The following MATCAP2 variants were observed in gnomAD, a reference collection of about 807,000 sequenced individuals.
MATCAP2 encodes microtubule associated tyrosine carboxypeptidase 2, also known as putative tyrosine carboxypeptidase MATCAP2.
chr7:36,336,196 A>T, the MATCAP2 span: 1 of 1,536,290 alleles, frequency 6.5e-7, no homozygotes, highest in Admixed American at 2.0e-5. Flanking sequence ...TCCTAACGTG[A>T]CTCCAGATTC....
chr7:36,366,835 G>A, the MATCAP2 span: 2 of 1,519,310 alleles, frequency 1.3e-6, no homozygotes, highest in Non-Finnish European at 1.8e-6. Context: ...CCAGCCGGTG[G>A]CTACCATTAC....
the MATCAP2 span, among the ~76,000 whole-genome samples, chr7:36,380,541 T>A: frequency 6.6e-6 from 1 of 152,296 alleles, no homozygotes; most frequent in Non-Finnish European, 1.5e-5. Context: ...AGGAGAATGG[T>A]ATTAAAATAG....
chr7:36,347,779 C>T, the MATCAP2 span, among the ~76,000 whole-genome samples: 2 of 152,088 alleles, frequency 1.3e-5, no homozygotes, highest in Non-Finnish European at 2.9e-5. Context: ...TCCTGCCTTA[C>T]TAGTTAATAT....
chr7:36,330,314 G>A, the MATCAP2 span, among the ~76,000 whole-genome samples: 862 of 152,076 alleles, frequency 5.7e-3, 7 homozygotes, highest in Non-Finnish European at 9.4e-3. Flanking sequence ...TCAAACTCCT[G>A]GCCTCAAGTG....
chr7:36,332,332 GA>G, the MATCAP2 span, among the ~76,000 whole-genome samples: 1 of 152,096 alleles, frequency 6.6e-6, no homozygotes, highest in Non-Finnish European at 1.5e-5. Flanking sequence ...CAGTCATTTT[GA>G]ATTTCAGGTT....
the MATCAP2 span, among the ~76,000 whole-genome samples, chr7:36,387,944 G>A: frequency 6.6e-6 from 1 of 152,028 alleles, no homozygotes; most frequent in African/African-American, 2.4e-5. Flanking sequence ...TGAAAAAAAT[G>A]GAAGTATCTT....
the MATCAP2 span, among the ~76,000 whole-genome samples, chr7:36,348,536 T>C: frequency 6.6e-6 from 1 of 152,222 alleles, no homozygotes; most frequent in African/African-American, 2.4e-5. Context: ...TGTTACAAAG[T>C]ATTTCACTAC....
chr7:36,364,088 CTTCTT>C, the MATCAP2 span, among the ~76,000 whole-genome samples: 73 of 135,462 alleles, frequency 5.4e-4, 1 homozygote, highest in Admixed American at 1.0e-3. Flanking sequence ...GAATCTTCTT[CTTCTT>C]TTTTTTTTTT....
At chr7:36,389,873 T>C in the MATCAP2 span, 9 of 1,380,354 alleles carry the variant, frequency 6.5e-6, no homozygotes, top group South Asian at 6.0e-5. Context: ...AGTCCGTCAC[T>C]GGAAGCCGAG....
chr7:36,331,306 C>A, the MATCAP2 span, among the ~76,000 whole-genome samples: 1 of 152,198 alleles, frequency 6.6e-6, no homozygotes, highest in African/African-American at 2.4e-5. Flanking sequence ...TCTCCTCACA[C>A]ATCCTCCCCG....
chr7:36,340,231 C>A, the MATCAP2 span, among the ~76,000 whole-genome samples: 1 of 152,200 alleles, frequency 6.6e-6, no homozygotes, highest in East Asian at 1.9e-4. Flanking sequence ...TTTTCTAAGG[C>A]ATATGCTTAC....
the MATCAP2 span, chr7:36,324,446 T>C: frequency 6.6e-6 from 1 of 152,206 alleles, no homozygotes; most frequent in Non-Finnish European, 1.5e-5. Context: ...TTTTTAAAAT[T>C]ATAGTGGACA....
chr7:36,348,765 A>G, the MATCAP2 span, among the ~76,000 whole-genome samples: 1 of 152,342 alleles, frequency 6.6e-6, no homozygotes, highest in Non-Finnish European at 1.5e-5. Context: ...AAAGGGAAAT[A>G]GAAGTAGGGG....
At chr7:36,325,444 T>C in the MATCAP2 span, 1 of 152,322 alleles carries the variant, frequency 6.6e-6, no homozygotes, top group East Asian at 1.9e-4. Context: ...CTATAAAAGA[T>C]TTCCCAAAAT....
chr7:36,358,188 A>G, the MATCAP2 span, among the ~76,000 whole-genome samples: 1 of 151,500 alleles, frequency 6.6e-6, no homozygotes, highest in Non-Finnish European at 1.5e-5. Flanking sequence ...ACAGAGTGAG[A>G]CCCTATCTTA....
chr7:36,366,947 C>G, the MATCAP2 span: 1 of 1,364,356 alleles, frequency 7.3e-7, no homozygotes, highest in East Asian at 3.0e-5. Context: ...GCATCGTCGC[C>G]CCGAGGCCCG....
the MATCAP2 span, among the ~76,000 whole-genome samples, chr7:36,381,031 A>C: frequency 6.6e-6 from 1 of 152,166 alleles, no homozygotes; most frequent in Admixed American, 6.5e-5. Context: ...GTGGCCTCTT[A>C]GAAAAGGGTA....
At chr7:36,348,954 G>A in the MATCAP2 span, among the ~76,000 whole-genome samples, 1 of 152,192 alleles carries the variant, frequency 6.6e-6, no homozygotes, top group Non-Finnish European at 1.5e-5. Flanking sequence ...GGGAATAGCT[G>A]AAATAAGAAA....
chr7:36,327,758 T>C, the MATCAP2 span, among the ~76,000 whole-genome samples: 13 of 152,270 alleles, frequency 8.5e-5, no homozygotes, highest in Middle Eastern at 3.4e-3. Context: ...AATTTCCAAT[T>C]TGGGGATTTC....
Sources: gnomAD v4.1 joint callset for allele counts (sites outside exome capture counted in the v4.1 genomes callset) on GRCh38, gnomAD v4.1.1 for gene constraint, MANE v1.5 for transcripts, NCBI Gene and HGNC (gene_info 2026-07-23, HGNC 2026-07-21) for gene names.